The following UNC13C variants were observed in gnomAD, a reference collection of about 807,000 sequenced individuals.
The protein encoded by UNC13C is unc-13 homolog C.
Under a neutral mutation model 245.4 loss-of-function variants are expected in UNC13C, and 174 were observed. That is an observed-to-expected ratio of 0.71 (90% confidence interval 0.63 to 0.80). UNC13C has a LOEUF of 0.80. UNC13C is among the 30% of genes least tolerant of loss of function. The pLI, the probability that UNC13C is intolerant of heterozygous loss-of-function variation, is 0.00. For synonymous variants in UNC13C, 992 were observed against 895.1 expected (o/e 1.11, Z -1.93); for missense variants, 2,829 against 2,602.9 (o/e 1.09, Z -1.89).
intron 7 of UNC13C, 27 bp from the exon 8 acceptor site, chr15:54,250,198 C>T (rs775910352): frequency 1.3e-6 from 2 of 1,593,788 alleles, no homozygotes; most frequent in Non-Finnish European, 1.7e-6. Flanking sequence ...CTTGGCGGTG[C>T]ATTGGTAACT....
At chr15:54,379,146 G>C (rs2039668063) in intron 17 of UNC13C, among the ~76,000 whole-genome samples, 1 of 151,990 alleles carries the variant, frequency 6.6e-6, no homozygotes, top group Non-Finnish European at 1.5e-5. Context: ...AATAGCAACA[G>C]TCTTATTATG....
At chr15:53,886,637 C>T in the UNC13C span, among the ~76,000 whole-genome samples, 1 of 152,128 alleles carries the variant, frequency 6.6e-6, no homozygotes, top group Non-Finnish European at 1.5e-5. Flanking sequence ...TAAGTTTGGG[C>T]TATGCATTGT....
intron 30 of UNC13C, among the ~76,000 whole-genome samples, chr15:54,615,374 A>ATGAC (rs1233361989): frequency 2.0e-5 from 3 of 152,016 alleles, no homozygotes; most frequent in Non-Finnish European, 4.4e-5. Context: ...GCATAGTCCC[A>ATGAC]TGACTGACTG....
rs899162528 is a variant in UNC13C at position 54,412,086 on chromosome 15, G to A, written c.4848-2896G>A. Among the ~76,000 whole-genome samples the A allele has an allele frequency of 2.6e-5, 4 of 151,922 alleles. 1 individual carries two copies. In the East Asian group the frequency reaches 7.7e-4, roughly 29 times the overall value. On this transcript the variant is annotated intron_variant, in intron 18 of 32. Coordinates refer to ENST00000260323, the MANE Select transcript of UNC13C (RefSeq NM_001080534.3). The stretch of plus-strand genomic sequence containing the variant: ...CACTGCTATAAGGTGCACACCTGTA[G>A]TCCCAGCTACTCGGGAGGCTGAGGC...
chr15:54,620,403 AG>A (rs1244934764), intron 30 of UNC13C, among the ~76,000 whole-genome samples: 2 of 152,210 alleles, frequency 1.3e-5, no homozygotes, highest in Non-Finnish European at 2.9e-5. Context: ...GTTTTAAAAC[AG>A]CATAAGTCTT....
At chr15:54,334,533 A>T (rs2038523215) in intron 16 of UNC13C, among the ~76,000 whole-genome samples, 1 of 152,080 alleles carries the variant, frequency 6.6e-6, no homozygotes, top group South Asian at 2.1e-4. Context: ...AAATAGCAAC[A>T]ATTTTTTTCT....
the UNC13C span, among the ~76,000 whole-genome samples, chr15:53,922,639 TA>T: frequency 6.6e-6 from 1 of 152,224 alleles, no homozygotes; most frequent in African/African-American, 2.4e-5. Context: ...TTTATTAACC[TA>T]AACCTCTGAC....
chr15:54,004,713 G>A (rs1295313281), intron 1 of UNC13C, among the ~76,000 whole-genome samples: 3 of 152,162 alleles, frequency 2.0e-5, no homozygotes, highest in East Asian at 1.9e-4. Flanking sequence ...TAACCGGAGC[G>A]AGGTATCTCA....
intron 19 of UNC13C, among the ~76,000 whole-genome samples, chr15:54,452,563 G>C (rs1891238413): frequency 6.6e-6 from 1 of 152,198 alleles, no homozygotes; most frequent in South Asian, 2.1e-4. Context: ...CAAGATTCCT[G>C]GACAGCATGC....
intron 29 of UNC13C, among the ~76,000 whole-genome samples, chr15:54,565,380 A>C (rs184720805): frequency 1.3e-4 from 20 of 152,120 alleles, no homozygotes; most frequent in Non-Finnish European, 2.1e-4. Context: ...CACAGCAGAC[A>C]CTACCACAGA....
intron 19 of UNC13C, among the ~76,000 whole-genome samples, chr15:54,455,197 CTCTCTCT>C (rs1891423431): frequency 6.8e-5 from 3 of 43,942 alleles, no homozygotes; most frequent in African/African-American, 2.2e-4. Flanking sequence ...CTCTCTCTCT[CTCTCTCT>C]CTATATATAT....
At chr15:54,601,908 G>C (rs1174959251) in intron 30 of UNC13C, among the ~76,000 whole-genome samples, 1 of 152,122 alleles carries the variant, frequency 6.6e-6, no homozygotes, top group Non-Finnish European at 1.5e-5. Flanking sequence ...GCAATCTGTC[G>C]TAGTGATTTC....
intron 2 of UNC13C, among the ~76,000 whole-genome samples, chr15:54,017,010 G>A (rs984000088): frequency 5.9e-5 from 9 of 152,156 alleles, no homozygotes; most frequent in African/African-American, 1.9e-4. Flanking sequence ...TCCCCTAAAT[G>A]AGCCATTTTG....
chr15:54,068,465 A>G (rs1299039180), intron 2 of UNC13C, among the ~76,000 whole-genome samples: 2 of 152,176 alleles, frequency 1.3e-5, no homozygotes, highest in African/African-American at 2.4e-5. Flanking sequence ...TGGAGCACAG[A>G]CACATCCATT....
chr15:53,881,728 A>G, the UNC13C span, among the ~76,000 whole-genome samples: 31 of 152,196 alleles, frequency 2.0e-4, no homozygotes, highest in Non-Finnish European at 4.0e-4. Context: ...CCCAACTAAT[A>G]CCTTCATTCA....
intron 2 of UNC13C, among the ~76,000 whole-genome samples, chr15:54,113,150 C>G (rs149125288): frequency 3.0e-4 from 45 of 151,958 alleles, no homozygotes; most frequent in Non-Finnish European, 5.4e-4. Context: ...AAATTGCAAA[C>G]TCGTTGGGAG....
chr15:54,463,476 C>A (rs1040680624), intron 19 of UNC13C, among the ~76,000 whole-genome samples: 1 of 151,856 alleles, frequency 6.6e-6, no homozygotes, highest in African/African-American at 2.4e-5. Context: ...CTCCTGAGGC[C>A]AGCAAGACCA....
chr15:54,117,319 C>T (rs2030323290), intron 2 of UNC13C, among the ~76,000 whole-genome samples: 1 of 151,872 alleles, frequency 6.6e-6, no homozygotes, highest in Non-Finnish European at 1.5e-5. Flanking sequence ...GTTTTCTGTT[C>T]TTTTGAGGTC....
At chr15:53,849,959 C>G in the UNC13C span, among the ~76,000 whole-genome samples, 1 of 152,102 alleles carries the variant, frequency 6.6e-6, no homozygotes, top group South Asian at 2.1e-4. Flanking sequence ...AATATTTTCC[C>G]GCAGCGTTAC....
Sources: gnomAD v4.1 joint callset for allele counts (sites outside exome capture counted in the v4.1 genomes callset) on GRCh38, gnomAD v4.1.1 for gene constraint, MANE v1.5 for transcripts, NCBI Gene and HGNC (gene_info 2026-07-23, HGNC 2026-07-21) for gene names.